MMP13: variants seen among roughly 807,000 people sequenced by gnomAD.
MMP13 encodes the protein collagenase 3.
A neutral mutation model predicts 52.1 loss-of-function variants in MMP13; 45 were observed. The ratio of observed to expected loss-of-function variants is 0.86; its 90% CI spans 0.68 to 1.11. The LOEUF (loss-of-function observed/expected upper bound fraction) is 1.11, where lower values mean the gene tolerates loss of function less well. Among genes scored for constraint, MMP13 ranks in the 50% least tolerant of loss-of-function variants. The pLI, the probability that MMP13 is intolerant of heterozygous loss-of-function variation, is 0.00. For synonymous variants in MMP13, 200 were observed against 204.4 expected (o/e 0.98, Z 0.18); for missense variants, 576 against 583.8 (o/e 0.99, Z 0.14).
Position 102,955,479 on chromosome 11 carries a change from T to A in MMP13, c.135A>T (p.Ser45=). 6.2e-7 allele frequency: 1 copy of A among 1,614,008 alleles called. No homozygotes were observed. The highest frequency in any genetic ancestry group is 8.5e-7 in the Non-Finnish European group (1 of 1,179,926). Residue 45 remains serine (S), a synonymous_variant, in exon 2 of 10, where the codon TCA becomes TCT. Transcript: ENST00000260302. The surrounding 1 kb of genome is among the most constrained non-coding windows in gnomAD (Gnocchi z 4.9). The part of the protein sequence containing the change: ...DLQFAERYLR[S]YYHPTNLAGI... ...CCGCGAGATTTGTAGGATGGTAGTA[T>A]GATCTCAGGTAGCGCTAGAAAAGAC...
intron 5 of MMP13, among the ~76,000 whole-genome samples, chr11:102,951,688 G>A (rs1265706593): frequency 1.3e-5 from 2 of 152,078 alleles, no homozygotes; most frequent in Admixed American, 1.3e-4. Context: ...ATTGTAGCGT[G>A]TACTTACACA....
At position 102,949,292 on chromosome 11, in the gene MMP13, A is replaced by T; in HGVS notation, c.918-134T>A. The T allele has an allele frequency of 8.9e-7, 1 of 1,124,202 alleles. No homozygotes were observed. Among genetic ancestry groups the T allele is most frequent in the Non-Finnish European group, 1.3e-6 (1 of 774,862 alleles). The allele number at this position is 1,124,202 out of a possible 1,614,324, so 69.6% of individuals were successfully genotyped here. A position where few individuals can be genotyped will look rare whatever the true frequency, so the allele number is the denominator to read the frequency against. On this transcript the variant is annotated intron_variant, in intron 6 of 9. Coordinates refer to ENST00000260302, the MANE Select transcript of MMP13 (RefSeq NM_002427.4). This position sits in a 1 kb window ranked among gnomAD's most constrained non-coding sequence, Gnocchi z 4.2. ...ACCTCCCACCTGTGAAGGGAAAAAA[A>T]ATTCCATTACCCTTTAAGCGCCAGT...
At chr11:102,947,413 A>G (rs1426658966) in intron 8 of MMP13, among the ~76,000 whole-genome samples, 2 of 152,126 alleles carry the variant, frequency 1.3e-5, no homozygotes, top group Non-Finnish European at 2.9e-5. Flanking sequence ...TAAAAATACA[A>G]AAATTAGTTG....
At position 102,952,994 on chromosome 11, in the gene MMP13, AT is replaced by A. The variant is rs1860636652; in HGVS notation, c.638-822del. On this transcript the variant is annotated intron_variant, in intron 4 of 9. Transcript: ENST00000260302. The surrounding 1 kb of genome is among the most constrained non-coding windows in gnomAD (Gnocchi z 4.3). ...CATTTGACCTTAAATACCCTCTGCT[AT>A]TGTAGCCTGTGCATGAAGAAAATGA... 6.6e-6 allele frequency among the ~76,000 whole-genome samples: 1 copy of A among 152,174 alleles called. No individual in the cohort carries two copies. Among genetic ancestry groups the A allele is most frequent in the Non-Finnish European group, 1.5e-5 (1 of 68,016 alleles).
chr11:102,951,357 C>A (rs1860608804), intron 5 of MMP13, among the ~76,000 whole-genome samples: 1 of 152,086 alleles, frequency 6.6e-6, no homozygotes, highest in African/African-American at 2.4e-5. Flanking sequence ...GGCTTTGTTT[C>A]TTCATTGGTT....
intron 5 of MMP13, among the ~76,000 whole-genome samples, chr11:102,951,240 G>A (rs1231262605): frequency 6.6e-6 from 1 of 152,104 alleles, no homozygotes; most frequent in Non-Finnish European, 1.5e-5. Context: ...GGTTTCTACT[G>A]TGCCAGATTG....
At chr11:102,947,179 CT>C (rs1860522655) in intron 8 of MMP13, among the ~76,000 whole-genome samples, 1 of 152,220 alleles carries the variant, frequency 6.6e-6, no homozygotes. Flanking sequence ...CTAAACCAAT[CT>C]TTTCCTGTAC....
In MMP13 at chr11:102,944,000, G is replaced by A. The variant is rs1860452763; in HGVS notation, c.*266C>T. ...ACAGACCATGTGTCCCATTTGTGGT[G>A]TGGGAAGTATCATCAACCATTGCTT... On this transcript the variant is annotated 3_prime_UTR_variant, in exon 10 of 10. Transcript: ENST00000260302. The A allele has an allele frequency of 2.4e-6, 1 of 415,272 alleles. No homozygotes were observed. 25.7% of individuals were successfully genotyped at this position (415,272 alleles called of 1,614,324 possible). A position where few individuals can be genotyped will look rare whatever the true frequency, so the allele number is the denominator to read the frequency against.
intron 9 of MMP13, chr11:102,945,228 A>T: frequency 1.3e-6 from 1 of 760,088 alleles, no homozygotes; most frequent in Non-Finnish European, 1.7e-6. Flanking sequence ...TGGGTGACAG[A>T]GTGAGACTCT....
Position 102,955,458 on chromosome 11 carries a change from G to A in MMP13, c.156C>T (p.Leu52=), listed in dbSNP as rs761744865. The A allele has an allele frequency of 9.9e-6, 16 of 1,613,868 alleles. No homozygotes were observed. In the South Asian group the frequency reaches 1.1e-4, roughly 11 times the overall value. ...YLRSYYHPTN[L]AGILKENAAS... is the part of the protein sequence containing the mutation. ...CTGCATTCTCCTTCAGGATTCCCGC[G>A]AGATTTGTAGGATGGTAGTATGATC... Residue 52 remains leucine, a synonymous_variant, in exon 2 of 10, where the codon CTC becomes CTT. Coordinates refer to ENST00000260302, the MANE Select transcript of MMP13 (RefSeq NM_002427.4). This position sits in a 1 kb window ranked among gnomAD's most constrained non-coding sequence, Gnocchi z 4.9.
Position 102,955,307 on chromosome 11 carries a change from C to T in MMP13, c.307G>A (p.Glu103Lys), listed in dbSNP as rs773873638. 7 of 1,613,954 alleles carry T rather than the reference C, an allele frequency of 4.3e-6. No homozygotes were observed. In the South Asian group the frequency reaches 7.7e-5, roughly 18 times the overall value. Residue 103 changes from glutamate (E) to lysine (K), a missense_variant, in exon 2 of 10, where the codon GAA becomes AAA. Coordinates refer to ENST00000260302, the MANE Select transcript of MMP13 (RefSeq NM_002427.4). The surrounding 1 kb of genome is among the most constrained non-coding windows in gnomAD (Gnocchi z 4.9). Reference protein sequence around the residue: ...KPRCGVPDVGEYNVFPRTLKW... With the variant: ...KPRCGVPDVGKYNVFPRTLKW... The stretch of plus-strand genomic sequence containing the variant: ...AGAGTTCGAGGGAAAACATTGTATT[C>T]ACCCACATCAGGAACCCCGCATCTT...
chr11:102,946,235 T>C (rs1256922871), intron 8 of MMP13, among the ~76,000 whole-genome samples: 3 of 152,176 alleles, frequency 2.0e-5, no homozygotes, highest in Non-Finnish European at 4.4e-5. Context: ...AAGGGAAGCA[T>C]AGCTTTCCCC....
At chr11:102,950,731 T>G (rs1203593269) in intron 5 of MMP13, among the ~76,000 whole-genome samples, 1 of 152,182 alleles carries the variant, frequency 6.6e-6, no homozygotes, top group Non-Finnish European at 1.5e-5. Context: ...TCAGCACTTA[T>G]GTGACTTGCG....
At position 102,950,835 on chromosome 11, in the gene MMP13, G is replaced by A. The variant is rs999959537; in HGVS notation, c.800-608C>T. ...ATAATCCTACACTGTTTTTCTTTCT[G>A]TCTAGTTTTTATTAGTTCTTTCATC... On this transcript the variant is annotated intron_variant, in intron 5 of 9. Coordinates refer to ENST00000260302, the MANE Select transcript of MMP13 (RefSeq NM_002427.4). 2.6e-5 allele frequency among the ~76,000 whole-genome samples: 4 copies of A among 152,124 alleles called. No homozygotes were observed. The East Asian group carries it at 7.7e-4, about 29-fold the overall frequency.
At position 102,945,645 on chromosome 11, in the gene MMP13, C is replaced by A; in HGVS notation, c.1315+1G>T. 1 of 1,554,680 alleles carries A rather than the reference C, an allele frequency of 6.4e-7. No individual in the cohort carries two copies. Among genetic ancestry groups the A allele is most frequent in the South Asian group, 1.1e-5 (1 of 89,898 alleles). On this transcript the variant is annotated splice_donor_variant, in intron 9 of 9. Coordinates refer to ENST00000260302, the MANE Select transcript of MMP13 (RefSeq NM_002427.4). LOFTEE classifies it high-confidence loss of function. ...AAAGTCAGTGCAATGTAACTACTTA[C>A]CATTTTTCTCATAGACAGCATCTAC...
chr11:102,948,469 A>G (rs1190754798), intron 7 of MMP13, among the ~76,000 whole-genome samples: 1 of 152,156 alleles, frequency 6.6e-6, no homozygotes, highest in African/African-American at 2.4e-5. Flanking sequence ...TTAATATTAT[A>G]AATAGTTGAA....
intron 9 of MMP13, chr11:102,945,294 G>T: frequency 1.0e-6 from 1 of 998,976 alleles, no homozygotes; most frequent in African/African-American, 1.7e-5. Flanking sequence ...TCACTATATA[G>T]TTAAGGTAGT....
At chr11:102,945,435 T>C (rs79161835) in intron 9 of MMP13, among the ~76,000 whole-genome samples, 1 of 152,168 alleles carries the variant, frequency 6.6e-6, no homozygotes, top group East Asian at 1.9e-4. Flanking sequence ...ATTTATAGAA[T>C]TAGCAATCAT....
intron 5 of MMP13, among the ~76,000 whole-genome samples, chr11:102,950,800 T>TATA (rs1437756487): frequency 1.3e-5 from 2 of 152,132 alleles, no homozygotes; most frequent in South Asian, 4.1e-4. Context: ...GGGTGCAGTA[T>TATA]ATAATAATAA....
Sources: allele counts gnomAD v4.1 joint callset (sites outside exome capture counted in the v4.1 genomes callset), GRCh38; gene constraint gnomAD v4.1.1; non-coding constraint Gnocchi (gnomAD v3.1); transcripts MANE v1.5; gene names NCBI Gene and HGNC (gene_info 2026-07-23, HGNC 2026-07-21).